Variants in ARAP2 observed in about 807,000 individuals in gnomAD.
ARAP2 encodes ArfGAP with RhoGAP domain, ankyrin repeat and PH domain 2, also known as arf-GAP with Rho-GAP domain, ANK repeat and PH domain-containing protein 2.
Under a neutral mutation model 194.5 loss-of-function variants are expected in ARAP2, and 148 were observed. The observed-to-expected ratio is 0.76, with a 90% CI of 0.67 to 0.87. The LOEUF is 0.87. ARAP2 is among the 40% of genes least tolerant of loss of function. ARAP2 has a pLI of 0.00. For missense variants in ARAP2, 2,128 were observed against 1,989.7 expected (o/e 1.07, Z -1.32); for synonymous variants, 695 against 683.5 (o/e 1.02, Z -0.26).
At chr4:36,061,526 G>C (rs188770617), downstream of ARAP2, among the ~76,000 whole-genome samples, 1 of 152,056 alleles carries the variant, frequency 6.6e-6, no homozygotes, top group Admixed American at 6.6e-5. Context: ...TGGATGAATC[G>C]CACGCCATTG....
Position 36,066,489 on chromosome 4 carries a change from TACC to T in ARAP2, c.*1415_*1417del, listed in dbSNP as rs1322635378. The T allele has an allele frequency of 4.6e-5, 7 of 152,108 alleles. No homozygotes were observed. The highest frequency in any genetic ancestry group is 8.8e-5 in the Non-Finnish European group (6 of 67,986). 9.4% of individuals were successfully genotyped at this position (152,108 alleles called of 1,614,324 possible). A position where few individuals can be genotyped will look rare whatever the true frequency, so the allele number is the denominator to read the frequency against. On this transcript the variant is annotated 3_prime_UTR_variant, in exon 33 of 33. Transcript: ENST00000303965. ...TTACAATGAAGAAATTCATAGCATCTACCACCACATCACTGTACTATGATTGGA... is the reference window on the plus strand; with the variant it reads ...TTACAATGAAGAAATTCATAGCATCTACCACATCACTGTACTATGATTGGA...
chr4:36,225,418 T>C (rs555616989), intron 2 of ARAP2, among the ~76,000 whole-genome samples: 1 of 151,816 alleles, frequency 6.6e-6, no homozygotes, highest in Admixed American at 6.6e-5. Flanking sequence ...ACAACTCCCA[T>C]GGGCAATGTG....
intron 19 of ARAP2, among the ~76,000 whole-genome samples, chr4:36,145,793 G>C (rs1201505690): frequency 1.3e-5 from 2 of 151,770 alleles, no homozygotes; most frequent in Non-Finnish European, 2.9e-5. Context: ...TTACATATTG[G>C]GGGACCTCCG....
At chr4:36,098,731 C>T (rs771006561) in intron 27 of ARAP2, among the ~76,000 whole-genome samples, 75 of 151,966 alleles carry the variant, frequency 4.9e-4, no homozygotes, top group Non-Finnish European at 8.7e-4. Context: ...TGATTCTGTA[C>T]AAATTTGATT....
At chr4:36,073,618 A>C (rs1472465522) in intron 32 of ARAP2, 71 bp downstream of exon 32, 1 of 1,508,590 alleles carries the variant, frequency 6.6e-7, no homozygotes, top group Non-Finnish European at 9.0e-7. Flanking sequence ...GTAATTAATG[A>C]CCTAATCACA....
chr4:36,033,715 C>A (rs534819655), intron 5 of ARAP2, among the ~76,000 whole-genome samples: 1 of 152,152 alleles, frequency 6.6e-6, no homozygotes, highest in South Asian at 2.1e-4. Flanking sequence ...ATCATGAAAT[C>A]TTTGCCCATT....
chr4:36,179,512 T>C (rs780742116), intron 8 of ARAP2, among the ~76,000 whole-genome samples: 23 of 152,076 alleles, frequency 1.5e-4, no homozygotes, highest in Non-Finnish European at 5.9e-5. Flanking sequence ...TGGAAATGAA[T>C]TAACATAGAG....
chr4:36,187,734 C>T (rs185050367), intron 7 of ARAP2, among the ~76,000 whole-genome samples, 163 bp from the exon 8 acceptor site: 114 of 152,216 alleles, frequency 7.5e-4, no homozygotes, highest in African/African-American at 2.6e-3. Flanking sequence ...TCATGTAATA[C>T]CCTAGAAAAG....
rs766030407 is a variant in ARAP2, at chr4:36,080,289, G to T, written c.4545-10C>A. 1 of 1,609,614 alleles carries T rather than the reference G, an allele frequency of 6.2e-7. No individual in the cohort carries two copies. The highest frequency in any genetic ancestry group is 8.5e-7 in the Non-Finnish European group (1 of 1,176,460). ...ATCACAACACAGGTGCCTGCAAAAC[G>T]AGGTTTATAAACTATGTCATTCAAA... On this transcript the variant is annotated splice_polypyrimidine_tract_variant and intron_variant, in intron 30 of 32. Coordinates refer to ENST00000303965, the MANE Select transcript of ARAP2 (RefSeq NM_015230.4).
At chr4:36,120,110 T>C (rs1456542460) in intron 23 of ARAP2, among the ~76,000 whole-genome samples, 2 of 151,550 alleles carry the variant, frequency 1.3e-5, no homozygotes, top group Non-Finnish European at 3.0e-5. Context: ...ACTATGAAGA[T>C]AACCATTTTA....
intron 7 of ARAP2, among the ~76,000 whole-genome samples, chr4:36,188,877 T>C (rs931940347): frequency 6.6e-6 from 1 of 152,212 alleles, no homozygotes; most frequent in Admixed American, 6.5e-5. Flanking sequence ...CATGGCATTC[T>C]ACCAGAAGGA....
intron 27 of ARAP2, among the ~76,000 whole-genome samples, chr4:36,099,528 C>T (rs1443066409): frequency 6.6e-6 from 1 of 152,094 alleles, no homozygotes; most frequent in East Asian, 1.9e-4. Context: ...ATTTGAGCTA[C>T]TCTTTACTCC....
In ARAP2 at chr4:36,067,411, A is replaced by T. The variant is rs1334133674; in HGVS notation, c.*496T>A. ...CCAGTGGTTTTTAGGCAGCCACTAC[A>T]ATAAATTCTCCCCCCTTTTTCAATT... On this transcript the variant is annotated 3_prime_UTR_variant, in exon 33 of 33. Transcript: ENST00000303965. 2 of 152,634 alleles carry T rather than the reference A, an allele frequency of 1.3e-5. No individual in the cohort carries two copies. The highest frequency in any genetic ancestry group is 6.6e-5 in the Admixed American group (1 of 15,266). The allele number at this position is 152,634 out of a possible 1,614,324, so 9.5% of individuals were successfully genotyped here. A position where few individuals can be genotyped will look rare whatever the true frequency, so the allele number is the denominator to read the frequency against.
intron 9 of ARAP2, among the ~76,000 whole-genome samples, chr4:36,176,223 T>C (rs1035504413): frequency 1.1e-5 from 1 of 89,252 alleles, no homozygotes; most frequent in Non-Finnish European, 2.3e-5. Flanking sequence ...ATCCTCATTT[T>C]CCTCATCTAC....
chr4:36,109,176 C>T (rs187357815), intron 26 of ARAP2, among the ~76,000 whole-genome samples: 1 of 151,996 alleles, frequency 6.6e-6, no homozygotes, highest in African/African-American at 2.4e-5. Flanking sequence ...AATAAATTGT[C>T]TGTTTCCAAT....
downstream of ARAP2, chr4:36,065,345 C>A: frequency 3.9e-6 from 2 of 516,300 alleles, no homozygotes; most frequent in Admixed American, 2.0e-5. Flanking sequence ...TGTAGTGGAT[C>A]TCAAAGTAGG....
chr4:36,239,740 T>C (rs1430859178), intron 1 of ARAP2, among the ~76,000 whole-genome samples: 1 of 152,200 alleles, frequency 6.6e-6, no homozygotes, highest in Non-Finnish European at 1.5e-5. Flanking sequence ...CACTTTAAAA[T>C]GATAAGACGG....
chr4:36,040,783 A>G (rs1256811998), intron 5 of ARAP2, among the ~76,000 whole-genome samples: 1 of 152,182 alleles, frequency 6.6e-6, no homozygotes. Context: ...TCGTCTGCAA[A>G]CAGAAATAGT....
chr4:36,223,827 C>T (rs1476519754), intron 2 of ARAP2, among the ~76,000 whole-genome samples: 2 of 152,012 alleles, frequency 1.3e-5, no homozygotes, highest in Non-Finnish European at 2.9e-5. Flanking sequence ...CCAAAGGATG[C>T]TAACACTTTG....
Sources: gnomAD v4.1 joint callset for allele counts (sites outside exome capture counted in the v4.1 genomes callset) on GRCh38, gnomAD v4.1.1 for gene constraint, MANE v1.5 for transcripts, NCBI Gene and HGNC (gene_info 2026-07-23, HGNC 2026-07-21) for gene names.